SH3GL1: variants seen among roughly 807,000 people sequenced by gnomAD.
The protein encoded by SH3GL1 is endophilin-A2.
A neutral mutation model predicts 48.8 loss-of-function variants in SH3GL1; 21 were observed. The ratio of observed to expected loss-of-function variants is 0.43; its 90% CI spans 0.30 to 0.62. The LOEUF is 0.62. SH3GL1 is among the 20% of genes least tolerant of loss of function. SH3GL1 has a pLI of 0.11. For missense variants in SH3GL1, 454 were observed against 503.0 expected (o/e 0.90, Z 0.93); for synonymous variants, 282 against 217.5 (o/e 1.30, Z -2.61).
At chr19:4,387,670 G>A (rs1054011674) in intron 1 of SH3GL1, among the ~76,000 whole-genome samples, 1 of 152,118 alleles carries the variant, frequency 6.6e-6, no homozygotes, top group African/African-American at 2.4e-5. Context: ...TTGTTTTGCT[G>A]CTGTTGTATT....
At chr19:4,383,489 C>A (rs991819842) in intron 1 of SH3GL1, among the ~76,000 whole-genome samples, 2 of 152,146 alleles carry the variant, frequency 1.3e-5, no homozygotes, top group African/African-American at 4.8e-5. Context: ...CTGCCTCAGC[C>A]TTCCAAAGTG....
At position 4,362,381 on chromosome 19, in the gene SH3GL1, T is replaced by G; in HGVS notation, c.858A>C (p.Ser286=). The part of the protein sequence containing the change: ...PCTTAPKIAA[S]SSFRSSDKPI... ...GCTTGTCGGAAGATCGGAAAGACGA[T>G]GAAGCTAAACACAAGCAAAACGAGG... The change falls in exon 9 of 10, where the codon TCA becomes TCC. Residue 286 remains serine, a synonymous_variant. Coordinates refer to ENST00000269886, the MANE Select transcript of SH3GL1 (RefSeq NM_003025.4). The G allele has an allele frequency of 6.2e-7, 1 of 1,611,402 alleles. No individual in the cohort carries two copies. The highest frequency in any genetic ancestry group is 8.5e-7 in the Non-Finnish European group (1 of 1,178,660).
In SH3GL1 at chr19:4,360,937, G is replaced by C. The variant is rs1036768687; in HGVS notation, c.*663C>G. ...GGGCTTGGGAGGCAGGGCCCTGCAG[G>C]AGACCATGTTCTCTGTCCTCAGGCA... On this transcript the variant is annotated 3_prime_UTR_variant, in exon 10 of 10. Transcript: ENST00000269886. The C allele has an allele frequency of 5.6e-5, 13 of 233,374 alleles. No homozygotes were observed. The highest frequency in any genetic ancestry group is 2.9e-4 in the African/African-American group (13 of 45,324). 14.5% of individuals were successfully genotyped at this position (233,374 alleles called of 1,614,324 possible). A position where few individuals can be genotyped will look rare whatever the true frequency, so the allele number is the denominator to read the frequency against.
chr19:4,375,689 T>C (rs1189226500), intron 1 of SH3GL1, among the ~76,000 whole-genome samples: 1 of 152,230 alleles, frequency 6.6e-6, no homozygotes, highest in Non-Finnish European at 1.5e-5. Context: ...GCATCATGCA[T>C]TGTAATTTCT....
At chr19:4,390,735 A>G (rs1973322217) in intron 1 of SH3GL1, 1 of 152,050 alleles carries the variant, frequency 6.6e-6, no homozygotes, top group Non-Finnish European at 1.5e-5. Flanking sequence ...TGAGCTCCTG[A>G]CACCTACCCC....
chr19:4,368,441 C>T (rs1328059707), intron 1 of SH3GL1, among the ~76,000 whole-genome samples: 1 of 152,228 alleles, frequency 6.6e-6, no homozygotes, highest in Admixed American at 6.5e-5. Context: ...CAGCCCAAGG[C>T]ACCATGAGTG....
At position 4,365,528 on chromosome 19, in the gene SH3GL1, C is replaced by T. The variant is rs2144865214; in HGVS notation, c.285G>A (p.Glu95=). Residue 95 remains glutamate (E), a synonymous_variant, in exon 4 of 10, where the codon GAG becomes GAA. Coordinates refer to ENST00000269886, the MANE Select transcript of SH3GL1 (RefSeq NM_003025.4). The part of the protein sequence containing the change: ...GYPQSEGLLG[E]CMIRHGKELG... ...GCTCCTTCCCGTGGCGGATCATGCA[C>T]TCGCCCAGAAGCCCCTCCGACTGCG... The T allele has an allele frequency of 1.2e-6, 2 of 1,614,026 alleles. No homozygotes were observed. The highest frequency in any genetic ancestry group is 2.2e-5 in the East Asian group (1 of 44,870).
intron 4 of SH3GL1, among the ~76,000 whole-genome samples, chr19:4,364,866 T>TGTGTGTGTGTGTGTGTGTG: frequency 1.0e-5 from 1 of 97,130 alleles, no homozygotes; most frequent in African/African-American, 5.3e-5. Context: ...ACCCGGCTAA[T>TGTGTGTGTGTGTGTGTGTG]TGTGTGTGTG....
chr19:4,363,280 C>A, intron 7 of SH3GL1, 90 bp downstream of exon 7: 1 of 989,518 alleles, frequency 1.0e-6, no homozygotes. Context: ...CTGCCATGTG[C>A]TCACCCCACA....
rs1207382063 is a variant in SH3GL1, at chr19:4,361,326, GGGAGCGGGGGAGGAGGCTGGCGCCAT to G, written c.*248_*273del. 3.9e-6 allele frequency: 2 copies of G among 507,684 alleles called. No homozygotes were observed. The highest frequency in any genetic ancestry group is 3.4e-5 in the East Asian group (1 of 29,450). The allele number at this position is 507,684 out of a possible 1,614,324, so 31.4% of individuals were successfully genotyped here. On this transcript the variant is annotated 3_prime_UTR_variant, in exon 10 of 10. Coordinates refer to ENST00000269886, the MANE Select transcript of SH3GL1 (RefSeq NM_003025.4). ...CCTCGGCCAGCTGGGCGAGAAGTTG[GGGAGCGGGGGAGGAGGCTGGCGCCAT>G]GGAGTGGGGAAGGGAGCCGTCACCG... is the stretch of plus-strand genomic sequence containing the variant.
intron 1 of SH3GL1, among the ~76,000 whole-genome samples, chr19:4,382,341 T>A (rs1480245108): frequency 7.2e-6 from 1 of 139,516 alleles, no homozygotes; most frequent in East Asian, 2.3e-4. Flanking sequence ...CACTGCAAGC[T>A]CCGCCTCCCG....
Position 4,361,317 on chromosome 19 carries a change from G to C in SH3GL1, c.*283C>G. 1 of 502,416 alleles carries C rather than the reference G, an allele frequency of 2.0e-6. No homozygotes were observed. The highest frequency in any genetic ancestry group is 3.6e-6 in the Non-Finnish European group (1 of 281,374). 31.1% of individuals were successfully genotyped at this position (502,416 alleles called of 1,614,324 possible). A position where few individuals can be genotyped will look rare whatever the true frequency, so the allele number is the denominator to read the frequency against. On this transcript the variant is annotated 3_prime_UTR_variant, in exon 10 of 10. Coordinates refer to ENST00000269886, the MANE Select transcript of SH3GL1 (RefSeq NM_003025.4). ...GTTGCCCCGCCTCGGCCAGCTGGGC[G>C]AGAAGTTGGGGAGCGGGGGAGGAGG...
chr19:4,374,276 G>C (rs1048875805), intron 1 of SH3GL1, among the ~76,000 whole-genome samples: 2 of 152,216 alleles, frequency 1.3e-5, no homozygotes, highest in African/African-American at 4.8e-5. Flanking sequence ...AAATTGCTCA[G>C]CGGTGGCCAC....
intron 1 of SH3GL1, among the ~76,000 whole-genome samples, chr19:4,378,350 T>C (rs1355743979): frequency 6.6e-6 from 1 of 151,896 alleles, no homozygotes; most frequent in East Asian, 1.9e-4. Flanking sequence ...GCTGTGACTC[T>C]GAGCAGGAAC....
intron 6 of SH3GL1, 65 bp from the exon 7 acceptor site, chr19:4,363,538 C>A: frequency 1.3e-6 from 2 of 1,516,846 alleles, no homozygotes; most frequent in Non-Finnish European, 1.8e-6. Context: ...CCCTGACTCC[C>A]GAGGTGAAGC....
intron 9 of SH3GL1, 98 bp from the exon 10 acceptor site, chr19:4,361,894 C>A: frequency 1.1e-6 from 1 of 875,720 alleles, no homozygotes; most frequent in Non-Finnish European, 1.8e-6. Context: ...TGTGGGTGGG[C>A]ATGGGCCTCC....
chr19:4,366,737 G>C (rs1313374515), intron 2 of SH3GL1, among the ~76,000 whole-genome samples, 164 bp from the exon 3 acceptor site: 1 of 151,056 alleles, frequency 6.6e-6, no homozygotes, highest in Admixed American at 6.6e-5. Context: ...GCCTGCCCAC[G>C]GCAGGGGAGA....
At chr19:4,382,019 C>T (rs948210094) in intron 1 of SH3GL1, among the ~76,000 whole-genome samples, 3 of 152,128 alleles carry the variant, frequency 2.0e-5, no homozygotes, top group African/African-American at 4.8e-5. Context: ...CAGACCCTGA[C>T]AGGGATCACC....
At chr19:4,368,985 T>C (rs1368300481) in intron 1 of SH3GL1, among the ~76,000 whole-genome samples, 4 of 151,994 alleles carry the variant, frequency 2.6e-5, no homozygotes. Flanking sequence ...GGTAGGAGAA[T>C]GGTGTGAACC....
Sources: gnomAD v4.1 joint callset for allele counts (sites outside exome capture counted in the v4.1 genomes callset) on GRCh38, gnomAD v4.1.1 for gene constraint, MANE v1.5 for transcripts, NCBI Gene and HGNC (gene_info 2026-07-23, HGNC 2026-07-21) for gene names.